The following SPRY3 variants were observed in gnomAD, a reference collection of about 807,000 sequenced individuals.
SPRY3 encodes the protein protein sprouty homolog 3.
SPRY3 carries 15 observed loss-of-function variants against 20.2 expected under a neutral mutation model. That is an observed-to-expected ratio of 0.74 (90% confidence interval 0.50 to 1.14). The LOEUF (loss-of-function observed/expected upper bound fraction) is 1.14, where lower values mean the gene tolerates loss of function less well. SPRY3 is among the 50% of genes most tolerant of loss of function. The pLI, the probability that SPRY3 is intolerant of heterozygous loss-of-function variation, is 0.00. For missense variants in SPRY3, 364 were observed against 363.9 expected (o/e 1.00, Z 0.00); for synonymous variants, 143 against 136.5 (o/e 1.05, Z -0.33).
At chrX:155,742,937 C>G (rs1299639297) in intron 2 of SPRY3, among the ~76,000 whole-genome samples, 3 of 151,064 alleles carry the variant, frequency 2.0e-5, no homozygotes, top group Admixed American at 1.3e-4. Context: ...TAAAAGAACC[C>G]CAAAGCTAGC....
chrX:155,747,256 T>C (rs2091232342), intron 2 of SPRY3, among the ~76,000 whole-genome samples: 1 of 151,884 alleles, frequency 6.6e-6, no homozygotes, highest in Non-Finnish European at 1.5e-5. Context: ...GAACCAATGA[T>C]AGTTTGTAAA....
chrX:155,628,869 G>A (rs1420851510), intron 1 of SPRY3, among the ~76,000 whole-genome samples: 1 of 111,801 alleles, frequency 8.9e-6, no homozygotes, highest in Non-Finnish European at 1.9e-5. Flanking sequence ...TTGTGGTTTT[G>A]CTTTGCATTT....
chrX:155,620,036 A>G (rs2067866173), intron 1 of SPRY3, among the ~76,000 whole-genome samples: 1 of 111,987 alleles, frequency 8.9e-6, no homozygotes. Flanking sequence ...GATACTACCA[A>G]GTGTTGATGA....
rs138071185 is a variant in SPRY3, at chrX:155,703,850, A to C, written c.-282+46825A>C. 6.7e-3 allele frequency among the ~76,000 whole-genome samples: 1,019 copies of C among 152,074 alleles called. 6 individuals are homozygous for C. The highest frequency in any genetic ancestry group is 7.9e-3 in the Non-Finnish European group (536 of 67,954). On this transcript the variant is annotated intron_variant, in intron 2 of 3. Transcript: ENST00000675360. ...TCGTTGGGGAAACCCTTAATCTCATAATTGAACAGATATTGTTCTGGTCGA... is the reference window on the plus strand; with the variant it reads ...TCGTTGGGGAAACCCTTAATCTCATCATTGAACAGATATTGTTCTGGTCGA...
At chrX:155,678,606 C>A (rs1157786573) in intron 2 of SPRY3, among the ~76,000 whole-genome samples, 1 of 111,481 alleles carries the variant, frequency 9.0e-6, no homozygotes, top group Non-Finnish European at 1.9e-5. Flanking sequence ...GGAGGAATAA[C>A]CATATTGTTA....
chrX:155,774,090 G>A, exon 4 of SPRY3: 3 of 1,613,958 alleles, frequency 1.9e-6, no homozygotes, highest in Non-Finnish European at 2.5e-6. Context: ...ATCAACTGCA[G>A]CCCTTGCCTC....
At chrX:155,780,473 C>A (rs2091456722), downstream of SPRY3, 2 of 166,972 alleles carry the variant, frequency 1.2e-5, no homozygotes, top group African/African-American at 4.8e-5. Context: ...AGAAACACTA[C>A]AAAGAAACTG....
At chrX:155,663,896 T>C in intron 2 of SPRY3, among the ~76,000 whole-genome samples, 1 of 111,572 alleles carries the variant, frequency 9.0e-6, no homozygotes, top group Non-Finnish European at 1.9e-5. Context: ...TTTATGGGTA[T>C]AAGACACATA....
chrX:155,687,688 T>C (rs1259687016), intron 2 of SPRY3, among the ~76,000 whole-genome samples: 1 of 112,297 alleles, frequency 8.9e-6, no homozygotes, highest in Non-Finnish European at 1.9e-5. Context: ...TCCAGCAGAA[T>C]AGAAAACATC....
At chrX:155,658,283 A>T (rs1472632922) in intron 2 of SPRY3, among the ~76,000 whole-genome samples, 5 of 111,907 alleles carry the variant, frequency 4.5e-5, no homozygotes, top group African/African-American at 1.6e-4. Context: ...TGGGCAGTAT[A>T]GTCATTTTAA....
intron 2 of SPRY3, among the ~76,000 whole-genome samples, chrX:155,743,373 T>G (rs2091212352): frequency 6.6e-6 from 1 of 152,060 alleles, no homozygotes; most frequent in Admixed American, 6.6e-5. Context: ...GTGTCTCTCC[T>G]CCAAGAGCTT....
intron 2 of SPRY3, among the ~76,000 whole-genome samples, chrX:155,715,260 C>A (rs2091014393): frequency 6.6e-6 from 1 of 151,602 alleles, no homozygotes; most frequent in African/African-American, 2.4e-5. Flanking sequence ...GGTGGTTGTT[C>A]GTGGCCCAAG....
In SPRY3 at chrX:155,704,601, G is replaced by C. The variant is rs984015114; in HGVS notation, c.-282+47576G>C. Among the ~76,000 whole-genome samples the C allele has an allele frequency of 2.4e-4, 36 of 151,704 alleles. No individual in the cohort carries two copies. In the East Asian group the frequency reaches 3.9e-3, roughly 16 times the overall value. ...AGAGAGAAAGAATGGGGCAGAAAAA[G>C]TATTTTAAAAAATAATGACTGAGAA... On this transcript the variant is annotated intron_variant, in intron 2 of 3. Coordinates refer to ENST00000675360, the Ensembl canonical transcript of SPRY3.
intron 2 of SPRY3, among the ~76,000 whole-genome samples, chrX:155,663,185 T>C (rs989384839): frequency 8.9e-6 from 1 of 112,019 alleles, no homozygotes; most frequent in Admixed American, 9.5e-5. Flanking sequence ...CAAGCTGTAA[T>C]GAATATGCAA....
chrX:155,687,200 C>T (rs1177855059), intron 2 of SPRY3, among the ~76,000 whole-genome samples: 1 of 112,404 alleles, frequency 8.9e-6, no homozygotes, highest in African/African-American at 3.2e-5. Flanking sequence ...CACATAAGTC[C>T]TTTAGAATTT....
At chrX:155,775,997 G>A (rs1275892375) in exon 4 of SPRY3, 1 of 167,122 alleles carries the variant, frequency 6.0e-6, no homozygotes, top group East Asian at 1.9e-4. Flanking sequence ...CGCACACTGA[G>A]TTAACAGCAG....
chrX:155,711,032 ATCT>A (rs1465584063), intron 2 of SPRY3, among the ~76,000 whole-genome samples: 1 of 151,722 alleles, frequency 6.6e-6, no homozygotes, highest in Non-Finnish European at 1.5e-5. Context: ...ATGATAAATG[ATCT>A]TCTCAGTGTG....
chrX:155,779,880 T>C (rs1466253435), downstream of SPRY3: 1 of 167,018 alleles, frequency 6.0e-6, no homozygotes, highest in Non-Finnish European at 1.5e-5. Context: ...TAGTGCCCCA[T>C]TTGGACCTTT....
chrX:155,731,972 T>C lies in SPRY3; in HGVS notation c.-281-35990T>C, dbSNP rs146942490. Among the ~76,000 whole-genome samples the C allele has an allele frequency of 2.7e-3, 406 of 152,150 alleles. 9 individuals are homozygous for C. In the East Asian group the frequency reaches 0.036, roughly 14 times the overall value. ...GAAACAAAACACATCATTCTATTTA[T>C]AGCATTCTGTTTTTAGTAATGGTAT... On this transcript the variant is annotated intron_variant, in intron 2 of 3. Transcript: ENST00000675360.
Sources: gnomAD v4.1 joint callset for allele counts (sites outside exome capture counted in the v4.1 genomes callset) on GRCh38, gnomAD v4.1.1 for gene constraint, MANE v1.5 for transcripts, NCBI Gene and HGNC (gene_info 2026-07-23, HGNC 2026-07-21) for gene names.